Variants in SSBP3 observed in about 807,000 individuals in gnomAD.
SSBP3 encodes the protein single-stranded DNA-binding protein 3.
SSBP3 carries 5 observed loss-of-function variants against 69.6 expected under a neutral mutation model. The ratio of observed to expected loss-of-function variants is 0.07; its 90% CI spans 0.04 to 0.15. The LOEUF (loss-of-function observed/expected upper bound fraction) is 0.15. Ranked by LOEUF, SSBP3 falls within the 10% of genes least tolerant of loss-of-function variation. The pLI, the probability that SSBP3 is intolerant of heterozygous loss-of-function variation, is 1.00. For missense variants in SSBP3, 312 were observed against 534.0 expected (o/e 0.58, Z 4.10); for synonymous variants, 196 against 193.4 (o/e 1.01, Z -0.11).
chr1:54,329,726 G>A (rs1393438075), intron 4 of SSBP3, among the ~76,000 whole-genome samples: 1 of 152,186 alleles, frequency 6.6e-6, no homozygotes, highest in Non-Finnish European at 1.5e-5. Context: ...GGAGCCCCCA[G>A]CTTCTTGGGA....
intron 4 of SSBP3, among the ~76,000 whole-genome samples, chr1:54,393,091 A>G (rs213485): frequency 0.49 from 74,594 of 152,002 alleles, 20,576 homozygotes; most frequent in African/African-American, 0.76. Flanking sequence ...TGGAGAAAGC[A>G]CCTGTTCCAG....
At chr1:54,347,078 C>T (rs1249421364) in intron 4 of SSBP3, among the ~76,000 whole-genome samples, 1 of 152,120 alleles carries the variant, frequency 6.6e-6, no homozygotes, top group African/African-American at 2.4e-5. Flanking sequence ...CCTCCTGCCT[C>T]AGCCTCCCAA....
rs113590456 is a variant in SSBP3 at position 54,289,878 on chromosome 1, C to T, written c.277-8351G>A. ...CAGGATAGGGGGGCTCCCCCACAGG[C>T]GAGGAGCCAGCCACCTAGTCAGAGA... On this transcript the variant is annotated intron_variant, in intron 4 of 17. Coordinates refer to ENST00000610401, the Ensembl canonical transcript of SSBP3. Among the ~76,000 whole-genome samples, 413 of 152,198 alleles carry T rather than the reference C, an allele frequency of 2.7e-3. 3 individuals are homozygous for T. The highest frequency in any genetic ancestry group is 9.6e-3 in the African/African-American group (399 of 41,516).
chr1:54,285,243 A>G (rs1346626713), intron 4 of SSBP3, among the ~76,000 whole-genome samples: 3 of 152,238 alleles, frequency 2.0e-5, no homozygotes, highest in African/African-American at 2.4e-5. Context: ...GAAAACGAAA[A>G]GCAGCAACCA....
intron 4 of SSBP3, among the ~76,000 whole-genome samples, chr1:54,284,407 T>G (rs28492857): frequency 0.28 from 42,280 of 151,702 alleles, 6,092 homozygotes; most frequent in South Asian, 0.44. Flanking sequence ...CCTTTGCTAT[T>G]TGGGTATTTG....
chr1:54,250,804 C>T (rs573004061), intron 9 of SSBP3, among the ~76,000 whole-genome samples: 113 of 152,292 alleles, frequency 7.4e-4, no homozygotes, highest in Admixed American at 3.7e-3. Context: ...CACGTGCAAA[C>T]ACCCAGAGGG....
intron 9 of SSBP3, among the ~76,000 whole-genome samples, chr1:54,244,951 C>G (rs1644707466): frequency 6.6e-6 from 1 of 152,130 alleles, no homozygotes; most frequent in Non-Finnish European, 1.5e-5. Context: ...CTAGTGGACT[C>G]CAAGTGCCCT....
In SSBP3 at chr1:54,336,362, C is replaced by T. The variant is rs116053457; in HGVS notation, c.277-54835G>A. Among the ~76,000 whole-genome samples the T allele has an allele frequency of 6.5e-3, 988 of 152,284 alleles. 9 individuals carry two copies. The highest frequency in any genetic ancestry group is 0.012 in the Admixed American group (189 of 15,290). ...AGCCCTCAGAGGCCCCAGCCCCCGA[C>T]TGCCTCTCCTCCTTCCCTCCTTTTC... On this transcript the variant is annotated intron_variant, in intron 4 of 17. Coordinates refer to ENST00000610401, the Ensembl canonical transcript of SSBP3.
chr1:54,324,973 G>A (rs1456172187), intron 4 of SSBP3, among the ~76,000 whole-genome samples: 1 of 152,210 alleles, frequency 6.6e-6, no homozygotes, highest in Non-Finnish European at 1.5e-5. Flanking sequence ...TCTACCAAGA[G>A]GAGAAGGCAC....
At chr1:54,395,088 T>TA (rs1022657109) in intron 4 of SSBP3, among the ~76,000 whole-genome samples, 28 of 149,020 alleles carry the variant, frequency 1.9e-4, no homozygotes, top group Middle Eastern at 3.5e-3. Flanking sequence ...CCTTATACAA[T>TA]AAAAAAAAAT....
At chr1:54,339,512 G>T (rs1646569053) in intron 4 of SSBP3, among the ~76,000 whole-genome samples, 1 of 152,058 alleles carries the variant, frequency 6.6e-6, no homozygotes, top group African/African-American at 2.4e-5. Context: ...CTCTTGCGGA[G>T]TTCATGAAAT....
intron 13 of SSBP3, among the ~76,000 whole-genome samples, chr1:54,240,075 TGTGTGTGTGTGTGCGCGCGCGC>T (rs1644586018): frequency 3.7e-5 from 1 of 26,688 alleles, no homozygotes; most frequent in African/African-American, 2.2e-4. Flanking sequence ...TGTGTGTGTG[TGTGTGTGTGTGTGCGCGCGCGC>T]GCGTGTGCGT....
chr1:54,308,330 G>A (rs144172719), intron 4 of SSBP3, among the ~76,000 whole-genome samples: 56 of 150,168 alleles, frequency 3.7e-4, no homozygotes, highest in Non-Finnish European at 6.4e-4. Context: ...GGCCGGGCAC[G>A]GTGGCTCATG....
intron 4 of SSBP3, among the ~76,000 whole-genome samples, chr1:54,395,416 T>C (rs548538758): frequency 6.6e-6 from 1 of 152,360 alleles, no homozygotes; most frequent in South Asian, 2.1e-4. Context: ...CATTTAGCCA[T>C]GCAGTGGCCA....
intron 4 of SSBP3, among the ~76,000 whole-genome samples, chr1:54,314,956 G>A (rs985373500): frequency 6.6e-6 from 1 of 152,132 alleles, no homozygotes; most frequent in Non-Finnish European, 1.5e-5. Context: ...ACAAAAGAAC[G>A]GCAGAGCTTG....
chr1:54,252,669 T>G (rs1022778659), intron 7 of SSBP3, among the ~76,000 whole-genome samples: 1 of 152,174 alleles, frequency 6.6e-6, no homozygotes, highest in Non-Finnish European at 1.5e-5. Flanking sequence ...GTTTCCTGGG[T>G]GAACACTTGC....
chr1:54,407,631 A>G (rs1649867326), upstream of SSBP3, among the ~76,000 whole-genome samples: 1 of 152,122 alleles, frequency 6.6e-6, no homozygotes, highest in African/African-American at 2.4e-5. Context: ...TAAATGTGAT[A>G]AAACACTGTC....
intron 4 of SSBP3, among the ~76,000 whole-genome samples, chr1:54,380,441 A>G (rs1422720726): frequency 6.6e-6 from 1 of 152,238 alleles, no homozygotes; most frequent in Non-Finnish European, 1.5e-5. Flanking sequence ...GTGCAGTGAC[A>G]GCTTCTGTCC....
At chr1:54,243,359 AG>A in intron 9 of SSBP3, 60 bp from the exon 10 acceptor site, 1 of 1,589,174 alleles carries the variant, frequency 6.3e-7, no homozygotes, top group Non-Finnish European at 8.6e-7. Context: ...AGGAGGAGGG[AG>A]GAGAAACAAA....
Sources: allele counts gnomAD v4.1 joint callset (sites outside exome capture counted in the v4.1 genomes callset), GRCh38; gene constraint gnomAD v4.1.1; transcripts MANE v1.5; gene names NCBI Gene and HGNC (gene_info 2026-07-23, HGNC 2026-07-21).